CEP350: variants seen among roughly 807,000 people sequenced by gnomAD.
The protein encoded by CEP350 is centrosomal protein 350, also known as centrosome-associated protein 350.
A neutral mutation model predicts 331.8 loss-of-function variants in CEP350; 126 were observed. The ratio of observed to expected loss-of-function variants is 0.38; its 90% CI spans 0.33 to 0.44. The LOEUF is 0.44. Among genes scored for constraint, CEP350 ranks in the 20% least tolerant of loss-of-function variants. The pLI is 1.00. For missense variants in CEP350, 3,406 were observed against 3,634.6 expected (o/e 0.94, Z 1.62); for synonymous variants, 1,200 against 1,259.5 (o/e 0.95, Z 1.00).
intron 17 of CEP350, 82 bp downstream of exon 17, chr1:180,037,171 C>A: frequency 7.9e-7 from 1 of 1,271,064 alleles, no homozygotes; most frequent in Non-Finnish European, 1.0e-6. Flanking sequence ...ACTTAAACTA[C>A]TGTGTCAAAT....
chr1:180,030,727 A>G (rs907010096), intron 14 of CEP350, among the ~76,000 whole-genome samples: 11 of 152,098 alleles, frequency 7.2e-5, no homozygotes, highest in South Asian at 2.1e-4. Context: ...ACTATTATCT[A>G]TGTGATTTAG....
chr1:179,976,244 C>CG, intron 1 of CEP350, among the ~76,000 whole-genome samples: 1 of 151,470 alleles, frequency 6.6e-6, no homozygotes, highest in Non-Finnish European at 1.5e-5. Context: ...AAAAAAATAG[C>CG]TTTTTAGACT....
In CEP350 at chr1:180,042,395, C is replaced by G. The variant is rs369323849; in HGVS notation, c.4362+593C>G. On this transcript the variant is annotated intron_variant, in intron 19 of 37. Transcript: ENST00000367607. ...AGGATATCACAATTCATAATTGATACAGTTTCACTTTATTTTAGCAGTTAT... is the reference window on the plus strand; with the variant it reads ...AGGATATCACAATTCATAATTGATAGAGTTTCACTTTATTTTAGCAGTTAT... Among the ~76,000 whole-genome samples the G allele has an allele frequency of 5.3e-5, 8 of 152,292 alleles. No homozygotes were observed. The South Asian group carries it at 1.7e-3, about 32-fold the overall frequency.
chr1:180,041,391 T>C (rs999633308), intron 18 of CEP350, 143 bp downstream of exon 18: 1 of 693,070 alleles, frequency 1.4e-6, no homozygotes, highest in Non-Finnish European at 2.3e-6. Flanking sequence ...GATAATGCCA[T>C]GTAATTCGAT....
chr1:180,077,135 C>CA (rs1659271282), intron 28 of CEP350, among the ~76,000 whole-genome samples: 1 of 152,156 alleles, frequency 6.6e-6, no homozygotes, highest in Admixed American at 6.5e-5. Context: ...CCAGAATTTA[C>CA]ATGTTAATTA....
intron 11 of CEP350, among the ~76,000 whole-genome samples, chr1:180,017,468 GC>G (rs1287766096): frequency 6.6e-6 from 1 of 152,100 alleles, no homozygotes; most frequent in Non-Finnish European, 1.5e-5. Flanking sequence ...GACATACCCT[GC>G]TATATTAATG....
intron 37 of CEP350, among the ~76,000 whole-genome samples, chr1:180,103,723 A>G (rs1371667967): frequency 6.6e-6 from 1 of 151,954 alleles, no homozygotes; most frequent in East Asian, 1.9e-4. Flanking sequence ...CTTTTAAAAG[A>G]TGCTTCTTCC....
intron 30 of CEP350, among the ~76,000 whole-genome samples, chr1:180,080,922 C>G (rs562476462): frequency 6.6e-6 from 1 of 151,974 alleles, no homozygotes; most frequent in Non-Finnish European, 1.5e-5. Context: ...TGCAGTGGTG[C>G]GATCTTGTCT....
intron 16 of CEP350, among the ~76,000 whole-genome samples, chr1:180,035,618 C>T (rs1656297735): frequency 6.6e-6 from 1 of 152,192 alleles, no homozygotes; most frequent in South Asian, 2.1e-4. Context: ...CATCTGTTTA[C>T]AGCCCTCAGG....
intron 1 of CEP350, among the ~76,000 whole-genome samples, chr1:179,960,026 A>G (rs1190718008): frequency 6.6e-6 from 1 of 152,186 alleles, no homozygotes; most frequent in Non-Finnish European, 1.5e-5. Flanking sequence ...ATTGAAATAA[A>G]TGGGTCCTAT....
rs374892333 is a variant in CEP350 at position 180,020,558 on chromosome 1, A to G, written c.2784A>G (p.Pro928=). Residue 928 remains proline (P), a synonymous_variant, in exon 12 of 38, where the codon CCA becomes CCG. Transcript: ENST00000367607. ...AAAAGCTTCCTGAGATGATAAGACC[A>G]CAGAGTGCCATATCAAGCTTTAGAG... is the stretch of plus-strand genomic sequence containing the variant. ...EFKKLPEMIR[P]QSAISSFRVR... is the part of the protein sequence containing the mutation. The G allele has an allele frequency of 6.8e-6, 11 of 1,613,926 alleles. No individual in the cohort carries two copies. Among genetic ancestry groups the G allele is most frequent in the African/African-American group, 2.7e-5 (2 of 74,934 alleles).
At chr1:180,013,763 T>C (rs1654800115) in intron 9 of CEP350, 84 bp from the exon 10 acceptor site, 1 of 1,190,178 alleles carries the variant, frequency 8.4e-7, no homozygotes, top group Non-Finnish European at 1.2e-6. Context: ...TAAAATGAAA[T>C]TCTCTAATTT....
chr1:180,055,842 G>C (rs979880765), intron 25 of CEP350, among the ~76,000 whole-genome samples: 2 of 151,694 alleles, frequency 1.3e-5, no homozygotes, highest in African/African-American at 4.8e-5. Context: ...ACCTTACCCG[G>C]CCTGAATTCT....
chr1:179,979,036 G>A (rs1652079990), intron 1 of CEP350, among the ~76,000 whole-genome samples: 1 of 152,136 alleles, frequency 6.6e-6, no homozygotes, highest in African/African-American at 2.4e-5. Flanking sequence ...ACATGGAAGT[G>A]CAGATATCTC....
chr1:180,008,986 T>C (rs1274074112), intron 8 of CEP350, among the ~76,000 whole-genome samples: 3 of 152,196 alleles, frequency 2.0e-5, no homozygotes, highest in Non-Finnish European at 4.4e-5. Flanking sequence ...TACAAAAACA[T>C]GAGTTATCTG....
At chr1:180,102,987 AGAG>A (rs1277505946) in intron 37 of CEP350, among the ~76,000 whole-genome samples, 1 of 152,218 alleles carries the variant, frequency 6.6e-6, no homozygotes, top group African/African-American at 2.4e-5. Context: ...AAGAAATGAG[AGAG>A]GAGAGCAGCT....
At chr1:180,004,873 G>GGCTTGCTTGCTTGCTTGCTT (rs142057657) in intron 7 of CEP350, among the ~76,000 whole-genome samples, 22 of 100,610 alleles carry the variant, frequency 2.2e-4, no homozygotes, top group Middle Eastern at 5.0e-3. Context: ...CAGGCTGGCT[G>GGCTTGCTTGCTTGCTTGCTT]GCTTGCTTGC....
intron 17 of CEP350, among the ~76,000 whole-genome samples, chr1:180,039,266 G>C (rs1344076376): frequency 1.2e-5 from 1 of 81,440 alleles, no homozygotes; most frequent in Non-Finnish European, 3.2e-5. Context: ...AAGGAAGAAA[G>C]GAAGGAAGGG....
Position 180,095,715 on chromosome 1 carries a change from C to G in CEP350, c.8704C>G (p.Pro2902Ala). The G allele has an allele frequency of 6.2e-7, 1 of 1,613,946 alleles. No individual in the cohort carries two copies. Residue 2902 changes from proline (P) to alanine (A), a missense_variant, in exon 35 of 38, where the codon CCT becomes GCT. By Grantham distance (27) the Pro-to-Ala change is conservative. Coordinates refer to ENST00000367607, the MANE Select transcript of CEP350 (RefSeq NM_014810.5). ...AACCATTGTACCTCTAATGGCAGAACCTAAAAGAGTAACCCAACAACCATG... is the reference window on the plus strand; with the variant it reads ...AACCATTGTACCTCTAATGGCAGAAGCTAAAAGAGTAACCCAACAACCATG... ...EETIVPLMAEPKRVTQQPCET... is the reference protein window; with the variant it reads ...EETIVPLMAEAKRVTQQPCET...
Sources: allele counts gnomAD v4.1 joint callset (sites outside exome capture counted in the v4.1 genomes callset), GRCh38; gene constraint gnomAD v4.1.1; transcripts MANE v1.5; gene names NCBI Gene and HGNC (gene_info 2026-07-23, HGNC 2026-07-21).